Variants in NUDT17 observed in about 807,000 individuals in gnomAD.
The protein encoded by NUDT17 is nudix hydrolase 17, also known as m7GpppN-mRNA hydrolase NUDT17.
NUDT17 carries 38 observed loss-of-function variants against 38.6 expected under a neutral mutation model. That is an observed-to-expected ratio of 0.98 (90% CI 0.76 to 1.29). NUDT17 has a LOEUF of 1.29. Ranked by LOEUF, NUDT17 falls within the 50% of genes most tolerant of loss-of-function variation. The pLI is 0.00. For synonymous variants in NUDT17, 192 were observed against 167.8 expected, an observed-to-expected ratio of 1.14 and a Z score of -1.11; for missense variants, 462 against 415.2, an observed-to-expected ratio of 1.11 and a Z score of -0.98.
chr1:145,848,279 G>T lies in NUDT17; in HGVS notation c.884+15G>T. On this transcript the variant is annotated intron_variant, in intron 7 of 7. Transcript: ENST00000334513. ...CATCTGGGCAGGTAAAAGTGAAAAA[G>T]GACTGGAGAGCTCCACAGTACTGGG... The T allele has an allele frequency of 6.2e-7, 1 of 1,614,110 alleles. No homozygotes were observed. Among genetic ancestry groups the T allele is most frequent in the South Asian group, 1.1e-5 (1 of 91,084 alleles).
chr1:145,846,234 G>T, intron 2 of NUDT17, 38 bp downstream of exon 2: 1 of 1,550,900 alleles, frequency 6.4e-7, no homozygotes, highest in South Asian at 1.2e-5. Flanking sequence ...GTACAGAGAA[G>T]AAATTTGCCC....
chr1:145,845,987 TA>T (rs1346870764), intron 1 of NUDT17, 25 bp from the exon 2 acceptor site: 3 of 1,581,784 alleles, frequency 1.9e-6, no homozygotes, highest in Admixed American at 3.7e-5. Context: ...TCTGAAGCCT[TA>T]ACCCAGCTGG....
In NUDT17 at chr1:145,848,694, CA is replaced by C. The variant is rs1236238987; in HGVS notation, c.*216del. 1.9e-6 allele frequency: 1 copy of C among 536,256 alleles called. No homozygotes were observed. 33.2% of individuals were successfully genotyped at this position (536,256 alleles called of 1,614,324 possible). A position where few individuals can be genotyped will look rare whatever the true frequency, so the allele number is the denominator to read the frequency against. On this transcript the variant is annotated 3_prime_UTR_variant, in exon 8 of 8. Coordinates refer to ENST00000334513, the MANE Select transcript of NUDT17 (RefSeq NM_001012758.3). ...GTGCAGAATGAGCCAGGCCTAACTACAGGGCCATGAGCCTCTAGAAGCTTAG... is the reference window on the plus strand; with the variant it reads ...GTGCAGAATGAGCCAGGCCTAACTACGGGCCATGAGCCTCTAGAAGCTTAG...
chr1:145,846,306 T>C (rs1553732484), intron 2 of NUDT17, 110 bp downstream of exon 2: 2 of 1,465,486 alleles, frequency 1.4e-6, no homozygotes, highest in South Asian at 1.2e-5. Flanking sequence ...AAATGTGGCA[T>C]GTTCATAGTC....
chr1:145,848,559 T>C lies in NUDT17; in HGVS notation c.*80T>C. The C allele has an allele frequency of 1.0e-6, 1 of 980,562 alleles. No homozygotes were observed. The highest frequency in any genetic ancestry group is 1.6e-6 in the Non-Finnish European group (1 of 634,920). The allele number at this position is 980,562 out of a possible 1,614,324, so 60.7% of individuals were successfully genotyped here. A position where few individuals can be genotyped will look rare whatever the true frequency, so the allele number is the denominator to read the frequency against. Reference sequence around the variant, plus strand: ...CCTTTATTATGGGTGAGAGCTTCACTACAACTTTAGAAATAAAAAGTAAAA... The same window carrying C: ...CCTTTATTATGGGTGAGAGCTTCACCACAACTTTAGAAATAAAAAGTAAAA... On this transcript the variant is annotated 3_prime_UTR_variant, in exon 8 of 8. Transcript: ENST00000334513.
rs782182599 is a variant in NUDT17, at chr1:145,845,688, G to A, written c.48G>A (p.Ser16=). The A allele has an allele frequency of 1.3e-6, 2 of 1,540,736 alleles. No individual in the cohort carries two copies. The highest frequency in any genetic ancestry group is 1.4e-5 in the African/African-American group (1 of 73,062). Residue 16 remains serine (S), a synonymous_variant, in exon 1 of 8, where the codon TCG becomes TCA. Transcript: ENST00000334513. The part of the protein sequence containing the change: ...VQLLLSRRPE[S]VSFARSVCGL... ...TGCTCCTGTCCCGGCGTCCGGAGTC[G>A]GTGAGCTTCGCACGGAGTGTGTGTG...
In NUDT17 at chr1:145,847,356, TGGCAGTGAGG is replaced by T; in HGVS notation, c.594+10_594+19del. 1.3e-6 allele frequency: 2 copies of T among 1,575,048 alleles called. No individual in the cohort carries two copies. Among genetic ancestry groups the T allele is most frequent in the Non-Finnish European group, 1.7e-6 (2 of 1,157,646 alleles). ...TCACAGCAGCAGTTGCAGGTAGGGC[TGGCAGTGAGG>T]GAAGGAAACAGGGCTCAGGGGAGCC... On this transcript the variant is annotated intron_variant, in intron 5 of 7. Transcript: ENST00000334513.
At position 145,845,660 on chromosome 1, in the gene NUDT17, A is replaced by G; in HGVS notation, c.20A>G (p.Gln7Arg). 4 of 1,528,502 alleles carry G rather than the reference A, an allele frequency of 2.6e-6. No homozygotes were observed. The highest frequency in any genetic ancestry group is 3.5e-6 in the Non-Finnish European group (4 of 1,130,908). 94.7% of individuals were successfully genotyped at this position (1,528,502 alleles called of 1,614,324 possible). ...CGCGTTATGGCCGAGGTGCGGGTGC[A>G]GCTGCTCCTGTCCCGGCGTCCGGAG... Reference protein sequence around the residue: MAEVRVQLLLSRRPESV... With the variant: MAEVRVRLLLSRRPESV... Residue 7 changes from glutamine to arginine, a missense_variant, in exon 1 of 8, where the codon CAG becomes CGG. Physicochemically the swap from Gln to Arg is conservative, Grantham distance 43. Coordinates refer to ENST00000334513, the MANE Select transcript of NUDT17 (RefSeq NM_001012758.3).
chr1:145,845,769 G>A lies in NUDT17; in HGVS notation c.129G>A (p.Lys43=), dbSNP rs1553732113. 1 of 1,586,490 alleles carries A rather than the reference G, an allele frequency of 6.3e-7. No individual in the cohort carries two copies. The highest frequency in any genetic ancestry group is 2.3e-5 in the East Asian group (1 of 43,640). The stretch of plus-strand genomic sequence containing the variant: ...CGTGGCCCATTCACTGCAGCTTGAA[G>A]CGAGGACGGCTTGTCCTCTCGAGCA... ...LGTWPIHCSL[K]RGRLVLSSRP... The change falls in exon 1 of 8, where the codon AAG becomes AAA. Residue 43 remains lysine, a synonymous_variant. Coordinates refer to ENST00000334513, the MANE Select transcript of NUDT17 (RefSeq NM_001012758.3).
intron 2 of NUDT17, 86 bp downstream of exon 2, chr1:145,846,282 T>G: frequency 6.7e-7 from 1 of 1,485,078 alleles, no homozygotes; most frequent in Non-Finnish European, 9.2e-7. Context: ...CTCAGAAGGA[T>G]AAAGTGGGCC....
intron 5 of NUDT17, 108 bp downstream of exon 5, chr1:145,847,456 C>T (rs587771148): frequency 9.0e-6 from 13 of 1,444,132 alleles, no homozygotes; most frequent in South Asian, 3.5e-5. Context: ...TCAGAGATAA[C>T]GAAGAATATG....
At chr1:145,846,532 A>G (rs9286836) in intron 3 of NUDT17, 66 bp from the exon 4 acceptor site, 571,567 of 1,600,960 alleles carry the variant, frequency 0.36, 104,304 homozygotes, top group African/African-American at 0.41. Flanking sequence ...GCTGAGGGAG[A>G]GGCAAGCAAA....
At chr1:145,847,800 A>G in intron 6 of NUDT17, 81 bp downstream of exon 6, 1 of 1,477,086 alleles carries the variant, frequency 6.8e-7, no homozygotes. Context: ...TGTCCTCAGG[A>G]TGGAATTTTG....
chr1:145,848,727 A>G lies in NUDT17; in HGVS notation c.*248A>G. ...TGAGCCTCTAGAAGCTTAGGGGGGA[A>G]TAAGAAACACTGTGAACTTAGATAT... On this transcript the variant is annotated 3_prime_UTR_variant, in exon 8 of 8. Transcript: ENST00000334513. The G allele has an allele frequency of 2.2e-6, 1 of 446,290 alleles. No individual in the cohort carries two copies. 27.6% of individuals were successfully genotyped at this position (446,290 alleles called of 1,614,324 possible). A position where few individuals can be genotyped will look rare whatever the true frequency, so the allele number is the denominator to read the frequency against.
intron 4 of NUDT17, among the ~76,000 whole-genome samples, chr1:145,846,909 G>A (rs1270398000): frequency 6.6e-6 from 1 of 152,222 alleles, no homozygotes; most frequent in African/African-American, 2.4e-5. Flanking sequence ...GTGACACAAA[G>A]GGCCGGGTGC....
intron 4 of NUDT17, among the ~76,000 whole-genome samples, chr1:145,847,009 T>A (rs1211732614): frequency 2.0e-5 from 3 of 152,158 alleles, no homozygotes; most frequent in Non-Finnish European, 4.4e-5. Context: ...CTGGACAACA[T>A]GGCGAAACCC....
intron 4 of NUDT17, among the ~76,000 whole-genome samples, 195 bp from the exon 5 acceptor site, chr1:145,847,055 G>A (rs781843901): frequency 7.9e-5 from 12 of 152,190 alleles, no homozygotes; most frequent in Middle Eastern, 3.2e-3. Flanking sequence ...TTAGCTGGGC[G>A]TGGCGGCAGG....
In NUDT17 at chr1:145,845,691, G is replaced by A. The variant is rs782668957; in HGVS notation, c.51G>A (p.Val17=). Residue 17 remains valine, a synonymous_variant, in exon 1 of 8, where the codon GTG becomes GTA. Coordinates refer to ENST00000334513, the MANE Select transcript of NUDT17 (RefSeq NM_001012758.3). ...QLLLSRRPES[V]SFARSVCGLL... ...TCCTGTCCCGGCGTCCGGAGTCGGTGAGCTTCGCACGGAGTGTGTGTGGCC... is the reference window on the plus strand; with the variant it reads ...TCCTGTCCCGGCGTCCGGAGTCGGTAAGCTTCGCACGGAGTGTGTGTGGCC... 2.6e-6 allele frequency: 4 copies of A among 1,541,544 alleles called. No individual in the cohort carries two copies. Among genetic ancestry groups the A allele is most frequent in the Non-Finnish European group, 2.6e-6 (3 of 1,139,552 alleles).
chr1:145,846,671 T>A lies in NUDT17; in HGVS notation c.476T>A (p.Val159Asp). 1 of 1,613,390 alleles carries A rather than the reference T, an allele frequency of 6.2e-7. No homozygotes were observed. The highest frequency in any genetic ancestry group is 1.3e-5 in the African/African-American group (1 of 75,014). Residue 159 changes from valine (V) to aspartate (D), a missense_variant, in exon 4 of 8, where the codon GTC becomes GAC. Val to Asp is a radical substitution (Grantham distance 152). Coordinates refer to ENST00000334513, the MANE Select transcript of NUDT17 (RefSeq NM_001012758.3). The stretch of plus-strand genomic sequence containing the variant: ...CTGCCCCAGGGCCAGTTCTCTTGGG[T>A]CCCTCTGGGTTTATGGGAGGTGAGA... ...LHLPQGQFSWVPLGLWESAYP... is the reference protein window; with the variant it reads ...LHLPQGQFSWDPLGLWESAYP...
Sources: allele counts gnomAD v4.1 joint callset (sites outside exome capture counted in the v4.1 genomes callset), GRCh38; gene constraint gnomAD v4.1.1; transcripts MANE v1.5; gene names NCBI Gene and HGNC (gene_info 2026-07-23, HGNC 2026-07-21).